Variants in DPYD observed in about 807,000 individuals in gnomAD.
DPYD encodes the protein dihydropyrimidine dehydrogenase.
In DPYD, 109 loss-of-function variants were observed where a neutral mutation model predicts 116.2. The observed-to-expected ratio is 0.94, with a 90% CI of 0.80 to 1.10. DPYD has a LOEUF of 1.10. DPYD is among the 50% of genes least tolerant of loss of function. DPYD has a pLI of 0.00. For missense variants in DPYD, 1,302 were observed against 1,254.5 expected (o/e 1.04, Z -0.57); for synonymous variants, 440 against 432.0 (o/e 1.02, Z -0.23).
chr1:97,513,196 A>C (rs941647096), intron 13 of DPYD, among the ~76,000 whole-genome samples: 4 of 151,716 alleles, frequency 2.6e-5, no homozygotes, highest in Admixed American at 2.6e-4. Flanking sequence ...ATATATATAC[A>C]GGATGAAAAT....
intron 7 of DPYD, among the ~76,000 whole-genome samples, chr1:97,687,677 G>A (rs919455246): frequency 3.3e-5 from 5 of 152,104 alleles, no homozygotes; most frequent in African/African-American, 9.7e-5. Flanking sequence ...ACATGCAGGT[G>A]TATGTTCACT....
chr1:97,772,297 C>G (rs1393896286), intron 3 of DPYD, among the ~76,000 whole-genome samples: 1 of 152,144 alleles, frequency 6.6e-6, no homozygotes, highest in Non-Finnish European at 1.5e-5. Context: ...GGGGATGAGT[C>G]AAATCCATGT....
In DPYD at chr1:97,121,767, T is replaced by C. The variant is rs145702636; in HGVS notation, c.2623-23135A>G. On this transcript the variant is annotated intron_variant, in intron 20 of 22. Coordinates refer to ENST00000370192, the MANE Select transcript of DPYD (RefSeq NM_000110.4). Reference sequence around the variant, plus strand: ...ACAGAGTCAGATCCTGGGACTTATGTGTGGCTGAAATAAAAAATAAACCTA... The same window carrying C: ...ACAGAGTCAGATCCTGGGACTTATGCGTGGCTGAAATAAAAAATAAACCTA... 2.0e-3 allele frequency among the ~76,000 whole-genome samples: 309 copies of C among 152,240 alleles called. 4 individuals carry two copies. The highest frequency in any genetic ancestry group is 7.0e-3 in the African/African-American group (292 of 41,554).
At chr1:97,535,936 C>T (rs1649960248) in intron 12 of DPYD, among the ~76,000 whole-genome samples, 1 of 152,026 alleles carries the variant, frequency 6.6e-6, no homozygotes, top group Non-Finnish European at 1.5e-5. Context: ...AGCTGAAGAA[C>T]ACATCACAAT....
chr1:97,171,917 A>T (rs1656747813), intron 20 of DPYD, among the ~76,000 whole-genome samples: 1 of 152,178 alleles, frequency 6.6e-6, no homozygotes, highest in Admixed American at 6.6e-5. Context: ...CTAGAATAGC[A>T]ATATTAATTG....
chr1:97,792,214 T>G (rs1667354139), intron 3 of DPYD, among the ~76,000 whole-genome samples: 1 of 152,122 alleles, frequency 6.6e-6, no homozygotes, highest in Non-Finnish European at 1.5e-5. Flanking sequence ...GCCAAACTAG[T>G]CATATGGCCT....
chr1:97,816,495 T>C (rs1282608824), intron 3 of DPYD, among the ~76,000 whole-genome samples: 2 of 152,140 alleles, frequency 1.3e-5, no homozygotes, highest in African/African-American at 4.8e-5. Flanking sequence ...ATCATAGATA[T>C]GCCTTAGTAT....
chr1:97,800,569 A>G (rs886306802), intron 3 of DPYD, among the ~76,000 whole-genome samples: 12 of 151,776 alleles, frequency 7.9e-5, no homozygotes, highest in African/African-American at 2.9e-4. Context: ...TTCTCTTCCA[A>G]TTTCCAAGCC....
At chr1:97,806,588 A>T (rs1668089059) in intron 3 of DPYD, among the ~76,000 whole-genome samples, 2 of 151,906 alleles carry the variant, frequency 1.3e-5, no homozygotes, top group Admixed American at 1.3e-4. Context: ...CCCCCACACA[A>T]GCAAAAACTC....
At chr1:97,181,537 G>A (rs1265194470) in intron 20 of DPYD, among the ~76,000 whole-genome samples, 1 of 152,144 alleles carries the variant, frequency 6.6e-6, no homozygotes, top group East Asian at 1.9e-4. Flanking sequence ...TTTGGGATAG[G>A]AGGTGCTTCA....
chr1:97,910,076 T>C (rs1013217303), intron 1 of DPYD, among the ~76,000 whole-genome samples: 5 of 152,104 alleles, frequency 3.3e-5, no homozygotes, highest in African/African-American at 1.2e-4. Context: ...AGGGAGGCCT[T>C]CTCTGACTAC....
rs1659643513 is a variant in DPYD at position 97,206,672 on chromosome 1, ATATATATATAT to A, written c.2443-13435_2443-13425del. 3.9e-5 allele frequency among the ~76,000 whole-genome samples: 4 copies of A among 103,198 alleles called. No homozygotes were observed. In the South Asian group the frequency reaches 1.3e-3, roughly 33 times the overall value. 67.7% of individuals were successfully genotyped at this position (103,198 alleles called of 152,430 possible). A position where few individuals can be genotyped will look rare whatever the true frequency, so the allele number is the denominator to read the frequency against. On this transcript the variant is annotated intron_variant, in intron 19 of 22. Coordinates refer to ENST00000370192, the MANE Select transcript of DPYD (RefSeq NM_000110.4). Reference sequence around the variant, plus strand: ...TATATATATATATATATATATATATATATATATATATATATAATCTATATGCTTATAATGCA... The same window carrying A: ...TATATATATATATATATATATATATAATATAATCTATATGCTTATAATGCA...
intron 18 of DPYD, among the ~76,000 whole-genome samples, chr1:97,293,939 C>T (rs2100997037): frequency 6.6e-6 from 1 of 152,144 alleles, no homozygotes; most frequent in Admixed American, 6.5e-5. Context: ...CTGAGTGACA[C>T]TCTGTCACAA....
intron 14 of DPYD, among the ~76,000 whole-genome samples, chr1:97,393,696 A>T (rs531821288): frequency 7.9e-5 from 12 of 152,106 alleles, no homozygotes; most frequent in African/African-American, 2.9e-4. Flanking sequence ...TCTATCATTG[A>T]TGGACATTTG....
intron 12 of DPYD, among the ~76,000 whole-genome samples, chr1:97,518,996 G>A (rs1648444355): frequency 6.6e-6 from 1 of 151,992 alleles, no homozygotes; most frequent in Non-Finnish European, 1.5e-5. Flanking sequence ...AACATGCTAG[G>A]AGAATTACAT....
chr1:97,280,103 G>A (rs1262984266), intron 18 of DPYD: 1 of 152,054 alleles, frequency 6.6e-6, no homozygotes, highest in East Asian at 1.9e-4. Flanking sequence ...AAGCTCCCTA[G>A]CTGTTAAATT....
intron 12 of DPYD, among the ~76,000 whole-genome samples, chr1:97,543,926 T>C (rs935961253): frequency 2.6e-5 from 4 of 152,104 alleles, no homozygotes; most frequent in African/African-American, 9.7e-5. Context: ...AAGCCAATCC[T>C]GAAGGACAAG....
intron 14 of DPYD, among the ~76,000 whole-genome samples, chr1:97,404,851 C>T (rs189133993): frequency 1.7e-4 from 25 of 151,172 alleles, no homozygotes; most frequent in Admixed American, 5.3e-4. Flanking sequence ...TTCTCTGTTC[C>T]TATTTTGTCT....
At chr1:97,666,961 AT>A (rs1659597405) in intron 8 of DPYD, among the ~76,000 whole-genome samples, 1 of 152,158 alleles carries the variant, frequency 6.6e-6, no homozygotes, top group South Asian at 2.1e-4. Context: ...TTCTTAAGTA[AT>A]TTTTTGGTGC....
Sources: gnomAD v4.1 joint callset for allele counts (sites outside exome capture counted in the v4.1 genomes callset) on GRCh38, gnomAD v4.1.1 for gene constraint, MANE v1.5 for transcripts, NCBI Gene and HGNC (gene_info 2026-07-23, HGNC 2026-07-21) for gene names.